Variants in GRIP1 observed in about 807,000 individuals in gnomAD.
GRIP1 encodes glutamate receptor-interacting protein 1.
Under a neutral mutation model 129.9 loss-of-function variants are expected in GRIP1, and 45 were observed. That is an observed-to-expected ratio of 0.35 (90% CI 0.27 to 0.44). The LOEUF (loss-of-function observed/expected upper bound fraction) is 0.44, where lower values mean the gene tolerates loss of function less well. Among genes scored for constraint, GRIP1 ranks in the 20% least tolerant of loss-of-function variants. The pLI, the probability that GRIP1 is intolerant of heterozygous loss-of-function variation, is 1.00. For synonymous variants in GRIP1, 530 were observed against 520.8 expected (o/e 1.02, Z -0.24); for missense variants, 1,196 against 1,396.8 (o/e 0.86, Z 2.29).
At chr12:66,907,066 A>C (rs1193285319) in intron 1 of GRIP1, among the ~76,000 whole-genome samples, 1 of 152,140 alleles carries the variant, frequency 6.6e-6, no homozygotes, top group East Asian at 1.9e-4. Context: ...AGGATCCCAC[A>C]TTGCACTTTG....
chr12:66,658,385 T>C (rs1287182728), intron 1 of GRIP1, among the ~76,000 whole-genome samples: 1 of 152,172 alleles, frequency 6.6e-6, no homozygotes, highest in African/African-American at 2.4e-5. Flanking sequence ...ATTGTAGTCT[T>C]GTATTCCTGT....
chr12:66,770,504 T>C (rs539913447), intron 1 of GRIP1, among the ~76,000 whole-genome samples: 1 of 152,274 alleles, frequency 6.6e-6, no homozygotes, highest in South Asian at 2.1e-4. Flanking sequence ...CTTTTTTTAA[T>C]CTTTTCAAAA....
At chr12:66,924,710 G>A (rs1019984019) in intron 1 of GRIP1, among the ~76,000 whole-genome samples, 2 of 152,208 alleles carry the variant, frequency 1.3e-5, no homozygotes, top group African/African-American at 4.8e-5. Context: ...GCTCACGCCT[G>A]TAATCCCAGC....
intron 7 of GRIP1, among the ~76,000 whole-genome samples, chr12:66,480,256 G>A (rs1218251066): frequency 1.3e-5 from 2 of 152,036 alleles, no homozygotes; most frequent in East Asian, 3.9e-4. Flanking sequence ...AAAATAACAA[G>A]CATTCCTATA....
exon 1 of GRIP1, chr12:66,804,123 C>A: frequency 4.4e-6 from 2 of 455,940 alleles, no homozygotes. Context: ...CTGGTCGGTA[C>A]TTTTTCCCCT....
At chr12:66,920,306 C>T (rs541238783) in intron 1 of GRIP1, among the ~76,000 whole-genome samples, 40 of 152,196 alleles carry the variant, frequency 2.6e-4, no homozygotes, top group African/African-American at 7.7e-4. Flanking sequence ...TTTACTCTCC[C>T]GCCTACCCAG....
chr12:66,744,323 G>A lies in GRIP1; in HGVS notation c.-420+59730C>T, dbSNP rs537825582. ...GGATAGGCTTTCTCTTCCCTTTCACGCTTTCTCTAGTCATTACATTTTTTC... is the reference window on the plus strand; with the variant it reads ...GGATAGGCTTTCTCTTCCCTTTCACACTTTCTCTAGTCATTACATTTTTTC... On this transcript the variant is annotated intron_variant, in intron 1 of 4. Transcript: ENST00000538373. Among the ~76,000 whole-genome samples the A allele has an allele frequency of 4.6e-5, 7 of 151,702 alleles. 2 individuals carry two copies. Among genetic ancestry groups the A allele is most frequent in the Admixed American group, 3.9e-4 (6 of 15,246 alleles).
upstream of GRIP1, among the ~76,000 whole-genome samples, chr12:66,681,581 T>C (rs375260007): frequency 6.6e-6 from 1 of 152,186 alleles, no homozygotes; most frequent in Non-Finnish European, 1.5e-5. Context: ...GGACCTGTCA[T>C]GAACATGTTA....
At chr12:66,952,574 C>T (rs1234809028) in intron 1 of GRIP1, among the ~76,000 whole-genome samples, 2 of 152,126 alleles carry the variant, frequency 1.3e-5, no homozygotes, top group Non-Finnish European at 2.9e-5. Flanking sequence ...GTTCATTTTT[C>T]TCCTTATTGA....
At chr12:66,988,738 G>C (rs1351769117) in intron 1 of GRIP1, among the ~76,000 whole-genome samples, 1 of 152,098 alleles carries the variant, frequency 6.6e-6, no homozygotes, top group East Asian at 1.9e-4. Flanking sequence ...GGAGTTTTCA[G>C]TTCTTGTTTC....
chr12:67,008,795 TC>T (rs1327340286), intron 1 of GRIP1, among the ~76,000 whole-genome samples: 5 of 152,172 alleles, frequency 3.3e-5, no homozygotes, highest in Admixed American at 6.6e-5. Context: ...AGCAAAAGAT[TC>T]TAGAAGAATC....
chr12:66,876,690 T>A (rs532273208), intron 1 of GRIP1, among the ~76,000 whole-genome samples: 1 of 152,182 alleles, frequency 6.6e-6, no homozygotes, highest in African/African-American at 2.4e-5. Context: ...AGGATAGAGA[T>A]GCACAACTGG....
chr12:66,476,231 T>A (rs925695777), intron 7 of GRIP1, among the ~76,000 whole-genome samples: 4 of 152,132 alleles, frequency 2.6e-5, no homozygotes. Flanking sequence ...GAGAATACTA[T>A]AAACACCTCT....
chr12:66,837,286 T>C (rs768030731), intron 1 of GRIP1, among the ~76,000 whole-genome samples: 1 of 152,154 alleles, frequency 6.6e-6, no homozygotes, highest in Non-Finnish European at 1.5e-5. Context: ...GAGAGAGAGA[T>C]TTAGAGAAGA....
intron 1 of GRIP1, among the ~76,000 whole-genome samples, chr12:66,602,270 A>G (rs1224949061): frequency 6.6e-6 from 1 of 152,146 alleles, no homozygotes; most frequent in Non-Finnish European, 1.5e-5. Context: ...TGGTGGTTTG[A>G]CAGCACACTT....
rs80195600 is a variant in GRIP1 at position 66,684,243 on chromosome 12, A to T, written c.-419-53907T>A. Among the ~76,000 whole-genome samples, 13 of 152,262 alleles carry T rather than the reference A, an allele frequency of 8.5e-5. No individual in the cohort carries two copies. The East Asian group carries it at 2.5e-3, about 29-fold the overall frequency. ...AATTAGCTCCATGTGATTAGTATGG[A>T]TTGGTTTGGTCAGAGAAATCATAAG... is the stretch of plus-strand genomic sequence containing the variant. On this transcript the variant is annotated intron_variant, in intron 1 of 4. Transcript: ENST00000538373.
chr12:66,436,302 CA>C (rs1409514107), intron 13 of GRIP1, among the ~76,000 whole-genome samples: 1 of 152,038 alleles, frequency 6.6e-6, no homozygotes, highest in East Asian at 1.9e-4. Context: ...GTTTAACTCC[CA>C]CCAATGCAGA....
intron 1 of GRIP1, chr12:67,037,329 A>AAATAATAATAATAATAATAATAAT (rs61468778): frequency 2.9e-5 from 4 of 139,188 alleles, no homozygotes; most frequent in African/African-American, 5.3e-5. Flanking sequence ...CTCTGCCTGA[A>AAATAATAATAATAATAATAATAAT]AATAATAATA....
rs532874535 is a variant in GRIP1 at position 66,995,507 on chromosome 12, A to G, written c.58+73543T>C. On this transcript the variant is annotated intron_variant, in intron 1 of 1. Transcript: ENST00000643019. The stretch of plus-strand genomic sequence containing the variant: ...ACTATTAACACTCAATAACAAGAAG[A>G]CAAATAATAAAAATGGGTAAATAAT... Among the ~76,000 whole-genome samples the G allele has an allele frequency of 4.7e-4, 71 of 152,252 alleles. 1 individual carries two copies. The South Asian group carries it at 0.015, about 31-fold the overall frequency.
Sources: gnomAD v4.1 joint callset for allele counts (sites outside exome capture counted in the v4.1 genomes callset) on GRCh38, gnomAD v4.1.1 for gene constraint, MANE v1.5 for transcripts, NCBI Gene and HGNC (gene_info 2026-07-23, HGNC 2026-07-21) for gene names.